The following PHLDB2 variants were observed in gnomAD, a reference collection of about 807,000 sequenced individuals.
PHLDB2 encodes pleckstrin homology-like domain family B member 2.
A neutral mutation model predicts 123.6 loss-of-function variants in PHLDB2; 71 were observed. The ratio of observed to expected loss-of-function variants is 0.57; its 90% CI spans 0.47 to 0.70. PHLDB2 has a LOEUF of 0.70. Ranked by LOEUF, PHLDB2 falls within the 30% of genes least tolerant of loss-of-function variation. The probability of loss-of-function intolerance (pLI) is 0.00; values close to 1 mark genes in which losing one functional copy is unlikely to be tolerated. For missense variants in PHLDB2, 1,446 were observed against 1,519.5 expected (o/e 0.95, Z 0.80); for synonymous variants, 547 against 541.6 (o/e 1.01, Z -0.14).
chr3:111,974,271 G>T, intron 17 of PHLDB2, 152 bp from the exon 18 acceptor site: 1 of 631,238 alleles, frequency 1.6e-6, no homozygotes. Context: ...AAAAGGCTCT[G>T]GGACAGGTGT....
intron 1 of PHLDB2, among the ~76,000 whole-genome samples, chr3:111,801,946 A>G (rs1165569068): frequency 6.6e-6 from 1 of 150,846 alleles, no homozygotes; most frequent in Non-Finnish European, 1.5e-5. Context: ...TGATGGTTGC[A>G]CAACTTTGTG....
At chr3:111,899,418 C>T (rs2067060971) in intron 2 of PHLDB2, among the ~76,000 whole-genome samples, 1 of 152,250 alleles carries the variant, frequency 6.6e-6, no homozygotes, top group African/African-American at 2.4e-5. Context: ...TTTCCTGATG[C>T]TCTCCCCCAC....
chr3:111,777,056 C>T (rs766702794), intron 1 of PHLDB2, among the ~76,000 whole-genome samples: 9 of 151,912 alleles, frequency 5.9e-5, no homozygotes, highest in Non-Finnish European at 1.3e-4. Context: ...GGCAATGACA[C>T]AGGAGGCCCA....
At chr3:111,834,259 TCTA>T (rs2063286786) in intron 1 of PHLDB2, among the ~76,000 whole-genome samples, 1 of 116,704 alleles carries the variant, frequency 8.6e-6, no homozygotes, top group East Asian at 2.4e-4. Context: ...TATATATAAT[TCTA>T]TTATATACAT....
intron 1 of PHLDB2, among the ~76,000 whole-genome samples, chr3:111,835,529 C>T (rs1010898128): frequency 1.2e-4 from 19 of 152,242 alleles, no homozygotes; most frequent in South Asian, 6.2e-4. Flanking sequence ...TAATGGTAGG[C>T]ACCTGTTCCC....
At chr3:111,835,362 C>G (rs1403610094) in intron 1 of PHLDB2, among the ~76,000 whole-genome samples, 1 of 152,086 alleles carries the variant, frequency 6.6e-6, no homozygotes, top group Non-Finnish European at 1.5e-5. Flanking sequence ...ATACTACATG[C>G]AAAGTACTTT....
intron 1 of PHLDB2, among the ~76,000 whole-genome samples, chr3:111,780,377 A>G (rs1309221266): frequency 2.3e-5 from 1 of 42,658 alleles, no homozygotes; most frequent in Non-Finnish European, 7.0e-5. Context: ...GAAGAAGAAG[A>G]AGAAGAAGAA....
chr3:111,919,037 TGTG>T, intron 3 of PHLDB2, 32 bp from the exon 4 acceptor site: 1 of 1,606,644 alleles, frequency 6.2e-7, no homozygotes, highest in Non-Finnish European at 8.5e-7. Flanking sequence ...AGAACTGAGG[TGTG>T]AATAATCCAT....
chr3:111,927,433 C>T lies in PHLDB2; in HGVS notation c.2002-4836C>T, dbSNP rs376083655. Reference sequence around the variant, plus strand: ...GACTATAAATTTTGACATATCACTGCGTCAATTCCAAACCTGACCGCATAT... The same window carrying T: ...GACTATAAATTTTGACATATCACTGTGTCAATTCCAAACCTGACCGCATAT... On this transcript the variant is annotated intron_variant, in intron 5 of 17. Coordinates refer to ENST00000431670, the MANE Select transcript of PHLDB2 (RefSeq NM_001134438.2). 4.6e-5 allele frequency among the ~76,000 whole-genome samples: 7 copies of T among 152,228 alleles called. No individual in the cohort carries two copies. In the South Asian group the frequency reaches 1.2e-3, roughly 27 times the overall value.
In PHLDB2 at chr3:111,945,370, T is replaced by C. The variant is rs1395388456; in HGVS notation, c.2487+13T>C. 2 of 1,548,278 alleles carry C rather than the reference T, an allele frequency of 1.3e-6. No individual in the cohort carries two copies. Among genetic ancestry groups the C allele is most frequent in the East Asian group, 4.5e-5 (2 of 44,506 alleles). ...TACTTTAAAAGAGGTAAGCTATGATTTTACATGTCGCTTTATGTTGCCTTA... is the reference window on the plus strand; with the variant it reads ...TACTTTAAAAGAGGTAAGCTATGATCTTACATGTCGCTTTATGTTGCCTTA... On this transcript the variant is annotated intron_variant, in intron 9 of 17. Transcript: ENST00000431670.
rs1182386251 is a variant in PHLDB2, at chr3:111,972,933, A to C, written c.3536-799A>C. ...TGTTTGTTTTACCTACTGTCTTCCA[A>C]AAGAGGCTGTCTTATTTGCACTTCC... is the stretch of plus-strand genomic sequence containing the variant. On this transcript the variant is annotated intron_variant, in intron 16 of 17. Coordinates refer to ENST00000431670, the MANE Select transcript of PHLDB2 (RefSeq NM_001134438.2). Among the ~76,000 whole-genome samples, 6 of 152,160 alleles carry C rather than the reference A, an allele frequency of 3.9e-5. No homozygotes were observed. The South Asian group carries it at 1.2e-3, about 31-fold the overall frequency.
chr3:111,845,690 A>T, intron 1 of PHLDB2: 2 of 1,030,280 alleles, frequency 1.9e-6, no homozygotes, highest in Non-Finnish European at 2.8e-6. Flanking sequence ...CTGTTTTTCA[A>T]CTTCAGCAGT....
intron 1 of PHLDB2, among the ~76,000 whole-genome samples, chr3:111,844,642 C>T (rs1033483583): frequency 6.6e-6 from 1 of 152,192 alleles, no homozygotes; most frequent in African/African-American, 2.4e-5. Context: ...ATTCTGCCAC[C>T]ATTAAGGTTC....
At chr3:111,792,617 G>A (rs994791755) in intron 1 of PHLDB2, among the ~76,000 whole-genome samples, 12 of 152,098 alleles carry the variant, frequency 7.9e-5, no homozygotes, top group Non-Finnish European at 1.2e-4. Context: ...TGAGGTGGAA[G>A]GATCATTTGA....
chr3:111,860,841 G>A (rs1448143755), intron 1 of PHLDB2, among the ~76,000 whole-genome samples: 1 of 152,214 alleles, frequency 6.6e-6, no homozygotes, highest in Non-Finnish European at 1.5e-5. Flanking sequence ...ACAGCTGGGA[G>A]TGTAACTAGA....
chr3:111,837,102 A>T (rs1559860080), intron 1 of PHLDB2, among the ~76,000 whole-genome samples: 3 of 152,180 alleles, frequency 2.0e-5, no homozygotes, highest in Non-Finnish European at 4.4e-5. Flanking sequence ...TAACATTGTT[A>T]TAGTAATGAA....
intron 1 of PHLDB2, among the ~76,000 whole-genome samples, chr3:111,793,221 C>T (rs992863545): frequency 6.6e-6 from 1 of 152,212 alleles, no homozygotes; most frequent in Non-Finnish European, 1.5e-5. Context: ...CTCTATTCTA[C>T]TGTGGCTAAG....
intron 12 of PHLDB2, among the ~76,000 whole-genome samples, chr3:111,960,647 C>T (rs556074287): frequency 3.3e-5 from 5 of 152,306 alleles, no homozygotes; most frequent in Admixed American, 1.3e-4. Context: ...CTTTCATCCT[C>T]TTGCCTACTA....
chr3:111,928,118 T>A (rs1438104467), intron 5 of PHLDB2, among the ~76,000 whole-genome samples: 1 of 152,230 alleles, frequency 6.6e-6, no homozygotes, highest in Non-Finnish European at 1.5e-5. Flanking sequence ...AAATGTATCA[T>A]CCCTGTCTGT....
Sources: gnomAD v4.1 joint callset for allele counts (sites outside exome capture counted in the v4.1 genomes callset) on GRCh38, gnomAD v4.1.1 for gene constraint, MANE v1.5 for transcripts, NCBI Gene and HGNC (gene_info 2026-07-23, HGNC 2026-07-21) for gene names.